Variants in OCA2 observed in about 807,000 individuals in gnomAD.
OCA2 encodes OCA2 melanosomal transmembrane protein, also known as P protein.
Under a neutral mutation model 100.2 loss-of-function variants are expected in OCA2, and 77 were observed. That is an observed-to-expected ratio of 0.77 (90% CI 0.64 to 0.93). The LOEUF (loss-of-function observed/expected upper bound fraction) is 0.93. OCA2 is among the 40% of genes least tolerant of loss of function. OCA2 has a pLI of 0.00. For missense variants in OCA2, 1,062 were observed against 1,089.1 expected, an observed-to-expected ratio of 0.98 and a Z score of 0.35; for synonymous variants, 432 against 439.2, an observed-to-expected ratio of 0.98 and a Z score of 0.21.
intron 1 of OCA2, among the ~76,000 whole-genome samples, chr15:28,083,805 T>A (rs910933653): frequency 6.6e-6 from 1 of 152,170 alleles, no homozygotes; most frequent in South Asian, 2.1e-4. Flanking sequence ...TTTCCCTGGT[T>A]TTTGAACAAA....
At chr15:28,065,888 AAC>A (rs1222116491) in intron 2 of OCA2, among the ~76,000 whole-genome samples, 13 of 151,692 alleles carry the variant, frequency 8.6e-5, no homozygotes, top group African/African-American at 1.7e-4. Context: ...GATTTTGTGA[AAC>A]AGTTTTCTTA....
chr15:27,783,143 C>T (rs886802785), intron 23 of OCA2, among the ~76,000 whole-genome samples: 1 of 152,166 alleles, frequency 6.6e-6, no homozygotes, highest in Admixed American at 6.5e-5. Context: ...TCAAACTGCA[C>T]CTTAAATAAT....
intron 21 of OCA2, among the ~76,000 whole-genome samples, chr15:27,867,015 G>T (rs1302605917): frequency 6.6e-6 from 1 of 152,252 alleles, no homozygotes; most frequent in African/African-American, 2.4e-5. Context: ...CTCAGGGCAA[G>T]CTGCAAAAGC....
chr15:28,095,806 T>C (rs2044966534), intron 1 of OCA2, among the ~76,000 whole-genome samples: 2 of 152,140 alleles, frequency 1.3e-5, no homozygotes, highest in Non-Finnish European at 2.9e-5. Flanking sequence ...GTTTAGGCGC[T>C]GAGGTGAAAA....
chr15:27,908,534 C>T lies in OCA2; in HGVS notation c.2079+17593G>A, dbSNP rs75566405. On this transcript the variant is annotated intron_variant, in intron 19 of 23. Coordinates refer to ENST00000354638, the MANE Select transcript of OCA2 (RefSeq NM_000275.3). ...TTGGAGATTTTCTAGAGGAATTCTG[C>T]GAGTCAGCATGCAGTTGCACACCTG... is the stretch of plus-strand genomic sequence containing the variant. Among the ~76,000 whole-genome samples the T allele has an allele frequency of 2.3e-3, 346 of 152,280 alleles. 6 individuals are homozygous for T. In the East Asian group the frequency reaches 0.049, roughly 22 times the overall value.
chr15:27,725,076 G>A, the OCA2 span, among the ~76,000 whole-genome samples: 7 of 152,300 alleles, frequency 4.6e-5, no homozygotes, highest in African/African-American at 1.7e-4. Flanking sequence ...AGGGAGAACA[G>A]TCCAAATACC....
intron 2 of OCA2, among the ~76,000 whole-genome samples, chr15:28,044,425 T>C (rs1481835490): frequency 6.6e-6 from 1 of 152,182 alleles, no homozygotes; most frequent in Non-Finnish European, 1.5e-5. Flanking sequence ...TTGTCCAGGA[T>C]GCTTGTCCAG....
rs772664058 is a variant in OCA2 at position 27,966,682 on chromosome 15, G to A, written c.1636+8C>T. ...TCTGAGCCTACATGAGGTTGCACTTGTACTCACCAACAATCTCACTGGGTT... is the reference window on the plus strand; with the variant it reads ...TCTGAGCCTACATGAGGTTGCACTTATACTCACCAACAATCTCACTGGGTT... On this transcript the variant is annotated splice_region_variant and intron_variant, in intron 15 of 23. Transcript: ENST00000354638. 3.1e-6 allele frequency: 5 copies of A among 1,613,870 alleles called. No individual in the cohort carries two copies. The highest frequency in any genetic ancestry group is 3.4e-6 in the Non-Finnish European group (4 of 1,179,926).
At chr15:28,041,534 G>A (rs2043201438) in intron 2 of OCA2, among the ~76,000 whole-genome samples, 1 of 152,132 alleles carries the variant, frequency 6.6e-6, no homozygotes, top group South Asian at 2.1e-4. Flanking sequence ...GAACAGGTGG[G>A]GAGAAAAACA....
At chr15:27,898,763 GA>G (rs765960225) in intron 19 of OCA2, among the ~76,000 whole-genome samples, 11 of 152,180 alleles carry the variant, frequency 7.2e-5, no homozygotes, top group Non-Finnish European at 1.6e-4. Flanking sequence ...GGATATTTAT[GA>G]ACAGAAGGGT....
chr15:28,017,105 G>A (rs1189494429), intron 7 of OCA2, among the ~76,000 whole-genome samples: 4 of 152,072 alleles, frequency 2.6e-5, no homozygotes, highest in South Asian at 4.2e-4. Flanking sequence ...TGCGAATCTC[G>A]CCCACAAATC....
rs573773273 is a variant in OCA2 at position 28,001,153 on chromosome 15, C to T, written c.1045-10506G>A. Among the ~76,000 whole-genome samples the T allele has an allele frequency of 2.6e-4, 39 of 152,248 alleles. 1 individual carries two copies. Among genetic ancestry groups the T allele is most frequent in the Admixed American group, 1.3e-3 (20 of 15,284 alleles). On this transcript the variant is annotated intron_variant, in intron 9 of 23. Transcript: ENST00000354638. ...TCAGAATCTCAAGTAGATATCTGTG[C>T]GGCCATGTTCATTGCAACCTTATTC...
At chr15:27,780,014 T>C (rs915642241) in intron 23 of OCA2, among the ~76,000 whole-genome samples, 4 of 149,100 alleles carry the variant, frequency 2.7e-5, no homozygotes, top group Non-Finnish European at 6.0e-5. Context: ...GTTCTTACCA[T>C]AACAAAAATG....
At chr15:27,768,877 A>G (rs1268156008) in intron 23 of OCA2, among the ~76,000 whole-genome samples, 1 of 152,168 alleles carries the variant, frequency 6.6e-6, no homozygotes, top group Non-Finnish European at 1.5e-5. Flanking sequence ...TCTGGGGCCG[A>G]GCCAGTTGCT....
At chr15:27,837,574 GA>G (rs1464626813) in intron 23 of OCA2, among the ~76,000 whole-genome samples, 2 of 152,230 alleles carry the variant, frequency 1.3e-5, no homozygotes, top group East Asian at 3.9e-4. Context: ...AAAAAGAGAA[GA>G]AAGAAATAAA....
the OCA2 span, among the ~76,000 whole-genome samples, chr15:27,722,826 C>T: frequency 1.6e-5 from 2 of 122,418 alleles, no homozygotes; most frequent in African/African-American, 5.5e-5. Flanking sequence ...CTCTCTCTCT[C>T]TCTCTTTCTC....
chr15:28,032,888 A>G (rs2042950123), intron 2 of OCA2, among the ~76,000 whole-genome samples: 1 of 152,142 alleles, frequency 6.6e-6, no homozygotes, highest in Admixed American at 6.5e-5. Flanking sequence ...CAAGCAGTTC[A>G]CATTTAAAAT....
intron 19 of OCA2, among the ~76,000 whole-genome samples, chr15:27,892,657 C>CA (rs1465921545): frequency 6.6e-6 from 1 of 151,526 alleles, no homozygotes; most frequent in East Asian, 1.9e-4. Context: ...AAACACTTGC[C>CA]AAAAAAGAGT....
At chr15:27,959,614 G>A (rs1346223264) in intron 15 of OCA2, among the ~76,000 whole-genome samples, 1 of 152,192 alleles carries the variant, frequency 6.6e-6, no homozygotes, top group Non-Finnish European at 1.5e-5. Flanking sequence ...CCTCTGCGTG[G>A]TTCATCTCTG....
Sources: gnomAD v4.1 joint callset for allele counts (sites outside exome capture counted in the v4.1 genomes callset) on GRCh38, gnomAD v4.1.1 for gene constraint, MANE v1.5 for transcripts, NCBI Gene and HGNC (gene_info 2026-07-23, HGNC 2026-07-21) for gene names.